UNC5D: variants seen among roughly 807,000 people sequenced by gnomAD.
The protein encoded by UNC5D is netrin receptor UNC5D.
UNC5D carries 39 observed loss-of-function variants against 105.4 expected under a neutral mutation model. That is an observed-to-expected ratio of 0.37 (90% CI 0.29 to 0.48). The LOEUF (loss-of-function observed/expected upper bound fraction) is 0.48, where lower values mean the gene tolerates loss of function less well. UNC5D is among the 20% of genes least tolerant of loss of function. The probability of loss-of-function intolerance (pLI) is 0.98; values close to 1 mark genes in which losing one functional copy is unlikely to be tolerated. For synonymous variants in UNC5D, 452 were observed against 450.4 expected, an observed-to-expected ratio of 1.00 and a Z score of -0.04; for missense variants, 991 against 1,202.4, an observed-to-expected ratio of 0.82 and a Z score of 2.60.
intron 1 of UNC5D, among the ~76,000 whole-genome samples, chr8:35,333,892 AC>A (rs1810824825): frequency 6.6e-6 from 1 of 152,196 alleles, no homozygotes; most frequent in Admixed American, 6.5e-5. Context: ...ATAGTAAATT[AC>A]CTATATTACT....
At chr8:35,525,904 G>T in intron 1 of UNC5D, 1 of 732,840 alleles carries the variant, frequency 1.4e-6, no homozygotes, top group Non-Finnish European at 2.2e-6. Flanking sequence ...TTCTCTCCCT[G>T]CACTGGAGTG....
chr8:35,630,074 G>A (rs1340110946), intron 4 of UNC5D, among the ~76,000 whole-genome samples: 3 of 151,980 alleles, frequency 2.0e-5, no homozygotes, highest in Non-Finnish European at 2.9e-5. Flanking sequence ...ACTTTGTTTG[G>A]CAAATCTTTT....
chr8:35,547,803 G>A (rs977138666), intron 1 of UNC5D, among the ~76,000 whole-genome samples: 3 of 152,110 alleles, frequency 2.0e-5, no homozygotes, highest in African/African-American at 4.8e-5. Flanking sequence ...ATTAGTCAGG[G>A]TTCTCTAGAG....
At chr8:35,354,089 G>A (rs1218237895) in intron 1 of UNC5D, among the ~76,000 whole-genome samples, 1 of 152,012 alleles carries the variant, frequency 6.6e-6, no homozygotes, top group African/African-American at 2.4e-5. Context: ...ACTTGTTTTA[G>A]GTATGTTTAG....
At chr8:35,354,545 A>T (rs1040360952) in intron 1 of UNC5D, among the ~76,000 whole-genome samples, 4 of 152,140 alleles carry the variant, frequency 2.6e-5, no homozygotes, top group African/African-American at 9.7e-5. Flanking sequence ...AGTACCCACC[A>T]TCATTGATCC....
At chr8:35,719,073 G>A (rs372458953) in intron 8 of UNC5D, among the ~76,000 whole-genome samples, 1 of 151,518 alleles carries the variant, frequency 6.6e-6, no homozygotes, top group African/African-American at 2.4e-5. Flanking sequence ...GTTCTTTAGG[G>A]AGTTGAGTGT....
intron 1 of UNC5D, among the ~76,000 whole-genome samples, chr8:35,336,658 A>C (rs1349128414): frequency 6.6e-6 from 1 of 152,150 alleles, no homozygotes; most frequent in Non-Finnish European, 1.5e-5. Context: ...GTCTGCTTGA[A>C]AGTAGCCTGC....
chr8:35,601,170 G>C, intron 4 of UNC5D, among the ~76,000 whole-genome samples: 1 of 151,998 alleles, frequency 6.6e-6, no homozygotes. Context: ...TCTCGGTTTT[G>C]GTACCAGTAC....
intron 14 of UNC5D, among the ~76,000 whole-genome samples, chr8:35,759,778 T>G (rs182090448): frequency 1.6e-3 from 241 of 152,284 alleles, no homozygotes; most frequent in African/African-American, 5.5e-3. Flanking sequence ...GAGCCAGGTT[T>G]GTGAGTTGGT....
chr8:35,603,408 C>G (rs137994293), intron 4 of UNC5D, among the ~76,000 whole-genome samples: 37 of 152,280 alleles, frequency 2.4e-4, no homozygotes, highest in Non-Finnish European at 4.7e-4. Context: ...ATCTGAGAGA[C>G]AGTTTGCTAT....
At chr8:35,533,257 C>T (rs1383267256) in intron 1 of UNC5D, among the ~76,000 whole-genome samples, 1 of 152,068 alleles carries the variant, frequency 6.6e-6, no homozygotes, top group Non-Finnish European at 1.5e-5. Context: ...GTTAGTTTTC[C>T]TTCTAACAGA....
intron 1 of UNC5D, among the ~76,000 whole-genome samples, chr8:35,493,261 G>A (rs1183777030): frequency 8.3e-6 from 1 of 120,666 alleles, no homozygotes; most frequent in Non-Finnish European, 1.6e-5. Flanking sequence ...ATTAAGAGTT[G>A]CTTCAGTAAA....
chr8:35,355,940 G>C (rs1801526775), intron 1 of UNC5D, among the ~76,000 whole-genome samples: 1 of 152,074 alleles, frequency 6.6e-6, no homozygotes, highest in Non-Finnish European at 1.5e-5. Flanking sequence ...GGGGAGTCTT[G>C]ATCTTGGACT....
At chr8:35,728,391 A>G (rs943856713) in intron 10 of UNC5D, among the ~76,000 whole-genome samples, 4 of 152,110 alleles carry the variant, frequency 2.6e-5, no homozygotes, top group South Asian at 4.1e-4. Context: ...ATCATGATGA[A>G]CCAGAGATTT....
chr8:35,640,059 T>C (rs1220653009), intron 4 of UNC5D, among the ~76,000 whole-genome samples: 1 of 152,062 alleles, frequency 6.6e-6, no homozygotes, highest in Non-Finnish European at 1.5e-5. Context: ...AAGCACATGG[T>C]CCATTTCATT....
At chr8:35,697,809 T>C (rs1354176065) in intron 7 of UNC5D, among the ~76,000 whole-genome samples, 1 of 152,196 alleles carries the variant, frequency 6.6e-6, no homozygotes, top group African/African-American at 2.4e-5. Flanking sequence ...ATGTTTGGTC[T>C]AGCATGAGGA....
At chr8:35,562,064 A>G (rs1380876704) in intron 2 of UNC5D, among the ~76,000 whole-genome samples, 4 of 151,894 alleles carry the variant, frequency 2.6e-5, no homozygotes, top group Non-Finnish European at 1.5e-5. Flanking sequence ...CCACCAGTCT[A>G]CTCTCTATTT....
chr8:35,525,362 G>C, intron 1 of UNC5D: 1 of 1,612,076 alleles, frequency 6.2e-7, no homozygotes, highest in Non-Finnish European at 8.5e-7. Flanking sequence ...CCATGACTAC[G>C]ATGTTTTTTT....
chr8:35,484,078 G>T (rs1271067978), intron 1 of UNC5D, among the ~76,000 whole-genome samples: 1 of 152,128 alleles, frequency 6.6e-6, no homozygotes, highest in African/African-American at 2.4e-5. Flanking sequence ...TTAAGGGAAG[G>T]CTGAGGTCCC....
Sources: allele counts gnomAD v4.1 joint callset (sites outside exome capture counted in the v4.1 genomes callset), GRCh38; gene constraint gnomAD v4.1.1; transcripts MANE v1.5; gene names NCBI Gene and HGNC (gene_info 2026-07-23, HGNC 2026-07-21).